Variants in RIOK1 observed in about 807,000 individuals in gnomAD.
RIOK1 encodes RIO kinase 1.
In RIOK1, 66 loss-of-function variants were observed where a neutral mutation model predicts 73.5. The observed-to-expected ratio is 0.90, with a 90% CI of 0.74 to 1.10. RIOK1 has a LOEUF of 1.10. Among genes scored for constraint, RIOK1 ranks in the 50% least tolerant of loss-of-function variants. RIOK1 has a pLI of 0.00. For synonymous variants in RIOK1, 224 were observed against 226.8 expected (o/e 0.99, Z 0.11); for missense variants, 658 against 699.8 (o/e 0.94, Z 0.67).
At chr6:7,412,651 CAA>C (rs35985238) in intron 14 of RIOK1, among the ~76,000 whole-genome samples, 36 of 123,412 alleles carry the variant, frequency 2.9e-4, no homozygotes, top group Admixed American at 4.0e-4. Flanking sequence ...GACTCCGTCT[CAA>C]AAAAAAAAAA....
At chr6:7,412,136 G>A (rs1466965691) in intron 14 of RIOK1, among the ~76,000 whole-genome samples, 2 of 152,174 alleles carry the variant, frequency 1.3e-5, no homozygotes, top group East Asian at 3.9e-4. Context: ...TAAGGTGGGC[G>A]GATCACTTGA....
rs368069269 is a variant in RIOK1, at chr6:7,393,216, TGAC to T, written c.192_194del (p.Asp69del). 242 of 1,513,660 alleles carry T rather than the reference TGAC, an allele frequency of 1.6e-4. No homozygotes were observed. The highest frequency in any genetic ancestry group is 2.0e-4 in the Non-Finnish European group (221 of 1,102,346). 93.8% of individuals were successfully genotyped at this position (1,513,660 alleles called of 1,614,324 possible). On this transcript the variant is annotated inframe_deletion, in exon 2 of 17. Transcript: ENST00000379834. ...TAGAAGATGAGGAGGAGGAGGGTTA[TGAC>T]GATGATGATGATGACTGGGACTGGG...
chr6:7,415,361 C>T (rs1761973936), intron 16 of RIOK1, among the ~76,000 whole-genome samples: 1 of 152,132 alleles, frequency 6.6e-6, no homozygotes. Context: ...CTGATCATGC[C>T]ACTGCACGCC....
intron 2 of RIOK1, among the ~76,000 whole-genome samples, chr6:7,394,151 C>T (rs530150885): frequency 6.7e-4 from 102 of 152,260 alleles, no homozygotes; most frequent in African/African-American, 2.3e-3. Flanking sequence ...ATGGCTATAT[C>T]GGCTGGGCGC....
At chr6:7,393,343 C>T (rs1451532190) in intron 2 of RIOK1, 40 bp downstream of exon 2, 29 of 1,511,408 alleles carry the variant, frequency 1.9e-5, no homozygotes, top group Non-Finnish European at 2.5e-5. Flanking sequence ...ATGTAGTCTG[C>T]TTATGTCTAC....
intron 12 of RIOK1, among the ~76,000 whole-genome samples, chr6:7,408,445 A>C (rs6927113): frequency 1.3e-5 from 2 of 152,004 alleles, no homozygotes; most frequent in Non-Finnish European, 2.9e-5. Flanking sequence ...TTAAAGCTCC[A>C]GTTAGAAAGC....
intron 1 of RIOK1, among the ~76,000 whole-genome samples, chr6:7,392,084 T>G (rs1377952888): frequency 1.3e-5 from 2 of 152,226 alleles, no homozygotes; most frequent in Non-Finnish European, 2.9e-5. Context: ...CTGAGTCCTC[T>G]GTTGAATTTG....
intron 12 of RIOK1, among the ~76,000 whole-genome samples, chr6:7,405,777 GTTTTTTTTTTTTCCTT>G (rs1761729002): frequency 7.6e-6 from 1 of 131,838 alleles, no homozygotes; most frequent in South Asian, 2.4e-4. Flanking sequence ...AAAGCCAGGG[GTTTTTTTTTTTTCCTT>G]TTTTTTTTTT....
At chr6:7,413,023 ATTAT>A (rs1761924514) in intron 15 of RIOK1, 81 bp downstream of exon 15, 6 of 637,788 alleles carry the variant, frequency 9.4e-6, no homozygotes, top group Admixed American at 3.8e-5. Context: ...GTTTTTTATT[ATTAT>A]TTAATATTAT....
At chr6:7,412,618 C>T (rs1192190587) in intron 14 of RIOK1, among the ~76,000 whole-genome samples, 1 of 150,012 alleles carries the variant, frequency 6.7e-6, no homozygotes, top group African/African-American at 2.4e-5. Flanking sequence ...CGCCACTGCA[C>T]TCCAGCCTAG....
chr6:7,396,920 T>TGTGTGTGTGTGTGTGTGTGTG, intron 4 of RIOK1, 148 bp downstream of exon 4: 5 of 525,174 alleles, frequency 9.5e-6, no homozygotes, highest in South Asian at 5.6e-5. Context: ...TGTGTGTGTG[T>TGTGTGTGTGTGTGTGTGTGTG]TTTCCTTAGC....
intron 14 of RIOK1, among the ~76,000 whole-genome samples, chr6:7,411,736 A>G (rs1027109590): frequency 2.0e-5 from 3 of 152,258 alleles, no homozygotes; most frequent in African/African-American, 7.2e-5. Context: ...TATTAGGTCC[A>G]TTAACATATA....
At chr6:7,405,488 C>T in intron 12 of RIOK1, 133 bp downstream of exon 12, 1 of 542,528 alleles carries the variant, frequency 1.8e-6, no homozygotes, top group South Asian at 2.8e-5. Flanking sequence ...CTTGTACTTA[C>T]CCTAGTTGAG....
chr6:7,409,102 A>G (rs927644406), intron 12 of RIOK1, among the ~76,000 whole-genome samples: 46 of 151,832 alleles, frequency 3.0e-4, no homozygotes, highest in African/African-American at 6.5e-4. Context: ...GGCTCACTGC[A>G]ATCTCCGCCT....
chr6:7,401,718 T>C (rs1364443745), intron 6 of RIOK1, among the ~76,000 whole-genome samples: 1 of 137,494 alleles, frequency 7.3e-6, no homozygotes, highest in African/African-American at 2.8e-5. Context: ...TGAGACAGTC[T>C]CCCAGGCTAG....
intron 12 of RIOK1, among the ~76,000 whole-genome samples, chr6:7,406,146 G>A (rs931120480): frequency 2.6e-5 from 4 of 151,822 alleles, no homozygotes; most frequent in South Asian, 4.2e-4. Context: ...ACAGGCACAC[G>A]CCACCACACC....
At chr6:7,396,632 C>T in intron 3 of RIOK1, 71 bp from the exon 4 acceptor site, 1 of 814,872 alleles carries the variant, frequency 1.2e-6, no homozygotes, top group Non-Finnish European at 2.0e-6. Flanking sequence ...GGAGAAATAC[C>T]CTGTTCAGCA....
chr6:7,390,325 T>G (rs1761297763), intron 1 of RIOK1, among the ~76,000 whole-genome samples: 1 of 151,972 alleles, frequency 6.6e-6, no homozygotes, highest in South Asian at 2.1e-4. Flanking sequence ...GGAGGCAGAG[T>G]TGGGGATAGC....
intron 8 of RIOK1, 39 bp downstream of exon 8, chr6:7,402,936 TG>T (rs1344676574): frequency 3.2e-6 from 5 of 1,571,294 alleles, no homozygotes; most frequent in Non-Finnish European, 4.4e-6. Context: ...TCCTATGCCC[TG>T]TACATGAACA....
Sources: gnomAD v4.1 joint callset for allele counts (sites outside exome capture counted in the v4.1 genomes callset) on GRCh38, gnomAD v4.1.1 for gene constraint, MANE v1.5 for transcripts, NCBI Gene and HGNC (gene_info 2026-07-23, HGNC 2026-07-21) for gene names.